Variants in LRRK1 observed in about 807,000 individuals in gnomAD.
The protein encoded by LRRK1 is leucine rich repeat kinase 1.
LRRK1 carries 113 observed loss-of-function variants against 209.1 expected under a neutral mutation model. That is an observed-to-expected ratio of 0.54 (90% confidence interval 0.46 to 0.63). The LOEUF (loss-of-function observed/expected upper bound fraction) is 0.63. LRRK1 is among the 30% of genes least tolerant of loss of function. The pLI, the probability that LRRK1 is intolerant of heterozygous loss-of-function variation, is 0.00. For synonymous variants in LRRK1, 1,144 were observed against 1,099.7 expected (o/e 1.04, Z -0.80); for missense variants, 2,284 against 2,632.2 (o/e 0.87, Z 2.89).
intron 2 of LRRK1, among the ~76,000 whole-genome samples, chr15:100,928,870 G>A (rs531301035): frequency 2.0e-5 from 3 of 152,204 alleles, no homozygotes; most frequent in East Asian, 1.9e-4. Context: ...CGTGCGGCCC[G>A]CTGTGTGTTT....
At chr15:101,064,024 T>C (rs1468142925) in intron 31 of LRRK1, among the ~76,000 whole-genome samples, 1 of 152,246 alleles carries the variant, frequency 6.6e-6, no homozygotes, top group Admixed American at 6.5e-5. Context: ...CAGGGCCTCC[T>C]GGGCAGGGTG....
In LRRK1 at chr15:101,009,036, A is replaced by C. The variant is rs1480137858; in HGVS notation, c.962A>C (p.Gln321Pro). ...DNHLGELPGVQSSDEIICSRL... is the reference protein window; with the variant it reads ...DNHLGELPGVPSSDEIICSRL... ...CACCTGGGGGAGCTGCCTGGCGTGC[A>C]GTCATCGGACGAAATCATCTGTTCC... Residue 321 changes from glutamine to proline, a missense_variant, in exon 7 of 34, where the codon CAG becomes CCG. Gln to Pro is a moderately conservative substitution (Grantham distance 76, BLOSUM62 -1). Coordinates refer to ENST00000388948, the MANE Select transcript of LRRK1 (RefSeq NM_024652.6). 6.2e-7 allele frequency: 1 copy of C among 1,614,196 alleles called. No homozygotes were observed. Among genetic ancestry groups the C allele is most frequent in the East Asian group, 2.2e-5 (1 of 44,878 alleles).
chr15:101,008,298 C>T (rs942164003), intron 6 of LRRK1, among the ~76,000 whole-genome samples: 6 of 152,064 alleles, frequency 3.9e-5, no homozygotes, highest in Non-Finnish European at 8.8e-5. Flanking sequence ...TATTGTGTGG[C>T]CATCGTCTGT....
intron 2 of LRRK1, among the ~76,000 whole-genome samples, chr15:100,940,084 A>C (rs2042373010): frequency 6.6e-6 from 1 of 152,180 alleles, no homozygotes; most frequent in South Asian, 2.1e-4. Context: ...CCCCGGATGC[A>C]CGATGCACTG....
intron 2 of LRRK1, among the ~76,000 whole-genome samples, chr15:100,965,187 G>A (rs1352315106): frequency 6.6e-6 from 1 of 152,102 alleles, no homozygotes; most frequent in Non-Finnish European, 1.5e-5. Flanking sequence ...ATTTCTGTTA[G>A]TTTTTCTGTA....
At chr15:100,950,180 A>G (rs1020367355) in intron 2 of LRRK1, among the ~76,000 whole-genome samples, 1 of 152,244 alleles carries the variant, frequency 6.6e-6, no homozygotes, top group Non-Finnish European at 1.5e-5. Flanking sequence ...TGTAAAAATC[A>G]ATTGTGGTTG....
At position 101,072,206 on chromosome 15, in the gene LRRK1, C is replaced by G. The variant is rs918444068; in HGVS notation, c.*3358C>G. 6.6e-6 allele frequency: 1 copy of G among 152,234 alleles called. No individual in the cohort carries two copies. The highest frequency in any genetic ancestry group is 1.9e-4 in the East Asian group (1 of 5,202). The allele number at this position is 152,234 out of a possible 1,614,324, so 9.4% of individuals were successfully genotyped here. A position where few individuals can be genotyped will look rare whatever the true frequency, so the allele number is the denominator to read the frequency against. ...TACCAAAATTTCAAATGCACATACC[C>G]TCTGACCCAGCAGTTCCACTTAAGT... On this transcript the variant is annotated 3_prime_UTR_variant, in exon 34 of 34. Coordinates refer to ENST00000388948, the MANE Select transcript of LRRK1 (RefSeq NM_024652.6).
rs200557780 is a variant in LRRK1 at position 101,065,849 on chromosome 15, C to T, written c.5412C>T (p.Asn1804=). The change falls in exon 32 of 34, where the codon AAC becomes AAT. Residue 1804 remains asparagine, a synonymous_variant. Transcript: ENST00000388948. ...TEPPAASHTA[N]PKVPEGDSIA... is the part of the protein sequence containing the mutation. Reference sequence around the variant, plus strand: ...CCCCGGCAGCCAGCCACACGGCCAACCCAAAGGTGCCTGAGGGGGACTCCA... The same window carrying T: ...CCCCGGCAGCCAGCCACACGGCCAATCCAAAGGTGCCTGAGGGGGACTCCA... 1.2e-6 allele frequency: 2 copies of T among 1,614,138 alleles called. No homozygotes were observed. Among genetic ancestry groups the T allele is most frequent in the Middle Eastern group, 1.6e-4 (1 of 6,062 alleles).
At chr15:101,003,553 A>T (rs1304730190) in intron 6 of LRRK1, among the ~76,000 whole-genome samples, 2 of 152,230 alleles carry the variant, frequency 1.3e-5, no homozygotes, top group African/African-American at 4.8e-5. Context: ...GGTGAAAGAC[A>T]CGTCTTACAT....
intron 19 of LRRK1, among the ~76,000 whole-genome samples, chr15:101,028,408 C>T (rs1194661631): frequency 3.3e-5 from 5 of 152,210 alleles, no homozygotes; most frequent in East Asian, 1.9e-4. Flanking sequence ...AGCCTTCTCA[C>T]GCTTAGGGAA....
intron 22 of LRRK1, chr15:101,049,410 G>A (rs1252103971): frequency 4.3e-6 from 2 of 462,280 alleles, no homozygotes; most frequent in East Asian, 3.7e-5. Context: ...CTCCCAGGCT[G>A]AGCGTCCCTG....
In LRRK1 at chr15:101,053,217, T is replaced by G; in HGVS notation, c.3857-6T>G. ...CTACTGGCTGACACTGCGCTGTCCCTGGCAGACACCATGCTGAGGCACCTG... is the reference window on the plus strand; with the variant it reads ...CTACTGGCTGACACTGCGCTGTCCCGGGCAGACACCATGCTGAGGCACCTG... On this transcript the variant is annotated splice_polypyrimidine_tract_variant and splice_region_variant and intron_variant, in intron 25 of 33. Coordinates refer to ENST00000388948, the MANE Select transcript of LRRK1 (RefSeq NM_024652.6). 6.2e-7 allele frequency: 1 copy of G among 1,604,646 alleles called. No individual in the cohort carries two copies.
chr15:101,021,755 T>C lies in LRRK1; in HGVS notation c.1740-90T>C, dbSNP rs142469705. On this transcript the variant is annotated intron_variant, in intron 13 of 33. Transcript: ENST00000388948. ...GGTCTGGGGTACAGGCTGCAGAGGC[T>C]GACAGGAGCCACGTGTGTGCGTGTG... The C allele has an allele frequency of 3.6e-3, 3,262 of 903,334 alleles. 16 individuals carry two copies. The highest frequency in any genetic ancestry group is 0.017 in the Middle Eastern group (59 of 3,448). The allele number at this position is 903,334 out of a possible 1,614,324, so 56.0% of individuals were successfully genotyped here.
intron 3 of LRRK1, among the ~76,000 whole-genome samples, chr15:100,978,276 G>T (rs2031408040): frequency 6.6e-6 from 1 of 152,148 alleles, no homozygotes; most frequent in South Asian, 2.1e-4. Context: ...AGATCCAACA[G>T]TCATGTCATC....
At chr15:100,941,484 G>GTC (rs2042435880) in intron 2 of LRRK1, among the ~76,000 whole-genome samples, 1 of 144,536 alleles carries the variant, frequency 6.9e-6, no homozygotes, top group Admixed American at 6.8e-5. Context: ...GTGTGTGTGT[G>GTC]TGTGTGTGTG....
At chr15:100,938,862 T>G (rs1462765511) in intron 2 of LRRK1, among the ~76,000 whole-genome samples, 1 of 151,876 alleles carries the variant, frequency 6.6e-6, no homozygotes, top group Non-Finnish European at 1.5e-5. Flanking sequence ...GAGGCTGAGG[T>G]GGGTGGATCA....
chr15:100,923,649 T>G (rs1243484767), intron 1 of LRRK1, among the ~76,000 whole-genome samples: 1 of 152,134 alleles, frequency 6.6e-6, no homozygotes, highest in Non-Finnish European at 1.5e-5. Context: ...GACTCTAAGC[T>G]CAGTGGGGGC....
intron 1 of LRRK1, among the ~76,000 whole-genome samples, chr15:100,921,545 T>TG (rs1426930005): frequency 2.8e-5 from 2 of 72,620 alleles, no homozygotes; most frequent in African/African-American, 2.6e-4. Context: ...GACTTCTAAC[T>TG]TCTAACTGAT....
chr15:100,973,952 G>C lies in LRRK1; in HGVS notation c.246G>C (p.Ala82=), dbSNP rs76356473. ...TGGAGGAGGCCTGCGACCAGTGCGC[G>C]TCCCAGCTGGAAAAGGTAGGGGAGC... ...DLLEEACDQC[A]SQLEKGQLLS... Residue 82 remains alanine, a synonymous_variant, in exon 3 of 34, where the codon GCG becomes GCC. Transcript: ENST00000388948. The C allele has an allele frequency of 2.8e-4, 345 of 1,251,322 alleles. 3 individuals carry two copies. In the African/African-American group the frequency reaches 3.7e-3, roughly 14 times the overall value. The allele number at this position is 1,251,322 out of a possible 1,614,324, so 77.5% of individuals were successfully genotyped here. A position where few individuals can be genotyped will look rare whatever the true frequency, so the allele number is the denominator to read the frequency against.
Sources: gnomAD v4.1 joint callset for allele counts (sites outside exome capture counted in the v4.1 genomes callset) on GRCh38, gnomAD v4.1.1 for gene constraint, MANE v1.5 for transcripts, NCBI Gene and HGNC (gene_info 2026-07-23, HGNC 2026-07-21) for gene names.